Variants in INPP5D observed in about 807,000 individuals in gnomAD.
The protein encoded by INPP5D is phosphatidylinositol 3,4,5-trisphosphate 5-phosphatase 1.
INPP5D carries 33 observed loss-of-function variants against 122.9 expected under a neutral mutation model. That is an observed-to-expected ratio of 0.27 (90% CI 0.20 to 0.36). The LOEUF (loss-of-function observed/expected upper bound fraction) is 0.36. INPP5D is among the 10% of genes least tolerant of loss of function. INPP5D has a pLI of 1.00. For synonymous variants in INPP5D, 584 were observed against 576.2 expected (o/e 1.01, Z -0.19); for missense variants, 1,053 against 1,412.7 (o/e 0.75, Z 4.08).
At chr2:233,154,953 C>T (rs1012530238) in intron 9 of INPP5D, among the ~76,000 whole-genome samples, 1 of 152,186 alleles carries the variant, frequency 6.6e-6, no homozygotes, top group African/African-American at 2.4e-5. Context: ...AAACCGTTGT[C>T]ACGGAGGCCT....
chr2:233,122,386 T>G (rs1357862978), intron 3 of INPP5D, 129 bp downstream of exon 3: 1 of 974,382 alleles, frequency 1.0e-6, no homozygotes, highest in Non-Finnish European at 1.5e-6. Flanking sequence ...TAAGGACAAG[T>G]TAGGAACACA....
At chr2:233,174,043 G>C (rs1346829901) in intron 17 of INPP5D, among the ~76,000 whole-genome samples, 1 of 152,198 alleles carries the variant, frequency 6.6e-6, no homozygotes, top group East Asian at 1.9e-4. Context: ...GAAGGTCCTC[G>C]GGGCAATAAC....
chr2:233,118,659 C>T (rs544346824), intron 2 of INPP5D, among the ~76,000 whole-genome samples: 44 of 152,354 alleles, frequency 2.9e-4, no homozygotes, highest in African/African-American at 8.4e-4. Context: ...GTGCTTCCTG[C>T]GGGCCCACTG....
intron 9 of INPP5D, among the ~76,000 whole-genome samples, chr2:233,153,021 G>C (rs1447759868): frequency 1.3e-5 from 2 of 152,248 alleles, no homozygotes; most frequent in Non-Finnish European, 2.9e-5. Context: ...ATGGGAAAAG[G>C]TGAACGGGGT....
chr2:233,195,370 C>G (rs763732619), intron 23 of INPP5D, 29 bp from the exon 24 acceptor site: 2 of 1,613,636 alleles, frequency 1.2e-6, no homozygotes, highest in Non-Finnish European at 1.7e-6. Context: ...TGGGCCCTCA[C>G]ATGCTCTTTC....
At position 233,170,727 on chromosome 2, in the gene INPP5D, C is replaced by T. The variant is rs538914085; in HGVS notation, c.1900+123C>T. 17 of 1,337,874 alleles carry T rather than the reference C, an allele frequency of 1.3e-5. No homozygotes were observed. In the African/African-American group the frequency reaches 1.8e-4, roughly 14 times the overall value. 82.9% of individuals were successfully genotyped at this position (1,337,874 alleles called of 1,614,324 possible). ...GACCATCCTGGCTAACACAGTGAAA[C>T]CCCGTCTCTACTTAAAAAAATACAA... On this transcript the variant is annotated intron_variant, in intron 16 of 26. Coordinates refer to ENST00000445964, the MANE Select transcript of INPP5D (RefSeq NM_001017915.3). This position sits in a 1 kb window ranked among gnomAD's most constrained non-coding sequence, Gnocchi z 4.5.
intron 2 of INPP5D, among the ~76,000 whole-genome samples, chr2:233,092,186 G>A (rs968146551): frequency 2.1e-4 from 32 of 152,188 alleles, no homozygotes; most frequent in African/African-American, 1.4e-4. Flanking sequence ...CTGGGGGCCC[G>A]AGCTGCCAGG....
rs1401113986 is a variant in INPP5D at position 233,170,251 on chromosome 2, C to T, written c.1791+87C>T. Reference sequence around the variant, plus strand: ...AGCTTGGGGCAGGTGGTCGTGGAGACATGTGAATCAAGTGGGCTGAGGCGG... The same window carrying T: ...AGCTTGGGGCAGGTGGTCGTGGAGATATGTGAATCAAGTGGGCTGAGGCGG... On this transcript the variant is annotated intron_variant, in intron 15 of 26. Coordinates refer to ENST00000445964, the MANE Select transcript of INPP5D (RefSeq NM_001017915.3). This position sits in a 1 kb window ranked among gnomAD's most constrained non-coding sequence, Gnocchi z 4.5. 1.3e-6 allele frequency: 2 copies of T among 1,547,430 alleles called. No individual in the cohort carries two copies. Among genetic ancestry groups the T allele is most frequent in the African/African-American group, 1.4e-5 (1 of 72,934 alleles).
intron 10 of INPP5D, 138 bp from the exon 11 acceptor site, chr2:233,161,586 G>C: frequency 1.6e-6 from 2 of 1,224,074 alleles, no homozygotes; most frequent in Non-Finnish European, 2.2e-6. Flanking sequence ...TTGGACACAT[G>C]TTTCCAGGTT....
chr2:233,088,838 G>A (rs998326933), intron 2 of INPP5D, among the ~76,000 whole-genome samples: 1 of 152,168 alleles, frequency 6.6e-6, no homozygotes, highest in Non-Finnish European at 1.5e-5. Context: ...GGTGTCCTGG[G>A]ATTGACAGCA....
chr2:233,154,914 T>G (rs753698930), intron 9 of INPP5D, among the ~76,000 whole-genome samples: 3 of 152,234 alleles, frequency 2.0e-5, no homozygotes, highest in Non-Finnish European at 2.9e-5. Context: ...TGGCTTTTGA[T>G]ATTTAACTTA....
At chr2:233,094,509 TCC>T (rs1491303379) in intron 2 of INPP5D, among the ~76,000 whole-genome samples, 382 of 2,948 alleles carry the variant, frequency 0.13, 29 homozygotes, top group Non-Finnish European at 0.13. Context: ...CAAGACTCCA[TCC>T]CAAAAAAAAA....
At chr2:233,126,046 G>A (rs1429890125) in intron 4 of INPP5D, 127 bp downstream of exon 4, 33 of 914,650 alleles carry the variant, frequency 3.6e-5, no homozygotes, top group Non-Finnish European at 5.1e-5. Flanking sequence ...GAGGTCTCCA[G>A]AGAAGAGTGC....
chr2:233,152,853 G>A (rs1693954475), intron 9 of INPP5D, among the ~76,000 whole-genome samples: 1 of 118,496 alleles, frequency 8.4e-6, no homozygotes, highest in East Asian at 3.0e-4. Flanking sequence ...ACTATTAGGA[G>A]GTTTTCAGCT....
intron 17 of INPP5D, among the ~76,000 whole-genome samples, chr2:233,175,714 C>A (rs1475366797): frequency 6.8e-6 from 1 of 146,488 alleles, no homozygotes; most frequent in African/African-American, 2.5e-5. Flanking sequence ...TGGAGTTTTG[C>A]TCTTATTGCC....
intron 26 of INPP5D, 31 bp downstream of exon 26, chr2:233,204,748 A>G: frequency 6.9e-7 from 1 of 1,445,682 alleles, no homozygotes; most frequent in Non-Finnish European, 9.1e-7. Flanking sequence ...GTTCGTGTGC[A>G]TTTGTGTGTG....
chr2:233,131,355 C>T (rs1477781191), intron 5 of INPP5D, among the ~76,000 whole-genome samples: 7 of 151,814 alleles, frequency 4.6e-5, no homozygotes, highest in South Asian at 2.1e-4. Flanking sequence ...AAAAAAAATT[C>T]CAGAGCATCT....
At chr2:233,129,705 ACT>A (rs1693263025) in intron 4 of INPP5D, among the ~76,000 whole-genome samples, 1 of 152,012 alleles carries the variant, frequency 6.6e-6, no homozygotes, top group South Asian at 2.1e-4. Context: ...ATGAATCCAG[ACT>A]CTCTGAACAC....
intron 8 of INPP5D, 80 bp downstream of exon 8, chr2:233,146,518 G>T: frequency 1.4e-6 from 1 of 700,688 alleles, no homozygotes. Context: ...CCTGTGGAAA[G>T]AGGGATTGGG....
Sources: gnomAD v4.1 joint callset for allele counts (sites outside exome capture counted in the v4.1 genomes callset) on GRCh38, gnomAD v4.1.1 for gene constraint, Gnocchi (gnomAD v3.1) non-coding constraint, MANE v1.5 for transcripts, NCBI Gene and HGNC (gene_info 2026-07-23, HGNC 2026-07-21) for gene names.